Variants in TSPAN3 observed in about 807,000 individuals in gnomAD.
The protein encoded by TSPAN3 is tetraspanin 3, also known as tetraspanin-3.
In TSPAN3, 9 loss-of-function variants were observed where a neutral mutation model predicts 31.1. The observed-to-expected ratio is 0.29, with a 90% CI of 0.17 to 0.50. The LOEUF (loss-of-function observed/expected upper bound fraction) is 0.50. TSPAN3 is among the 20% of genes least tolerant of loss of function. The pLI, the probability that TSPAN3 is intolerant of heterozygous loss-of-function variation, is 0.98. For missense variants in TSPAN3, 252 were observed against 313.5 expected (o/e 0.80, Z 1.48); for synonymous variants, 129 against 114.3 (o/e 1.13, Z -0.82).
At chr15:77,051,066 T>TA (rs201441947) in intron 6 of TSPAN3, among the ~76,000 whole-genome samples, 1 of 152,136 alleles carries the variant, frequency 6.6e-6, no homozygotes, top group African/African-American at 2.4e-5. Context: ...TTTTCTTTTT[T>TA]AAAAAAAATT....
chr15:77,046,399 T>C lies in TSPAN3; in HGVS notation c.*436A>G. 5.0e-6 allele frequency: 2 copies of C among 403,936 alleles called. No individual in the cohort carries two copies. The highest frequency in any genetic ancestry group is 8.7e-6 in the Non-Finnish European group (2 of 228,698). 25.0% of individuals were successfully genotyped at this position (403,936 alleles called of 1,614,324 possible). A position where few individuals can be genotyped will look rare whatever the true frequency, so the allele number is the denominator to read the frequency against. On this transcript the variant is annotated 3_prime_UTR_variant, in exon 7 of 7. Coordinates refer to ENST00000267970, the MANE Select transcript of TSPAN3 (RefSeq NM_005724.6). ...AAGGACACCAATGAGGGGCACCATCTGGTGTTAACCTTAACCAGAAAGCTG... is the reference window on the plus strand; with the variant it reads ...AAGGACACCAATGAGGGGCACCATCCGGTGTTAACCTTAACCAGAAAGCTG...
chr15:77,052,092 A>T (rs998946978), intron 6 of TSPAN3, among the ~76,000 whole-genome samples: 1 of 152,250 alleles, frequency 6.6e-6, no homozygotes, highest in African/African-American at 2.4e-5. Flanking sequence ...CACTAAGACA[A>T]CAGTTCGTTT....
intron 1 of TSPAN3, among the ~76,000 whole-genome samples, chr15:77,070,373 T>A (rs1156836884): frequency 2.6e-5 from 4 of 152,174 alleles, no homozygotes; most frequent in African/African-American, 2.4e-5. Flanking sequence ...CTGGTGACAG[T>A]CAGCCGGTTC....
intron 6 of TSPAN3, among the ~76,000 whole-genome samples, chr15:77,048,226 A>G (rs1287994909): frequency 1.3e-5 from 2 of 152,202 alleles, no homozygotes; most frequent in African/African-American, 4.8e-5. Flanking sequence ...AGAGAAATAC[A>G]TTTCTGTTCT....
intron 6 of TSPAN3, among the ~76,000 whole-genome samples, chr15:77,048,651 T>C (rs1262675307): frequency 6.6e-6 from 1 of 152,216 alleles, no homozygotes; most frequent in Non-Finnish European, 1.5e-5. Flanking sequence ...CCATTGATTT[T>C]TGAAACATTC....
At chr15:77,070,476 G>T (rs933050141) in intron 1 of TSPAN3, among the ~76,000 whole-genome samples, 6 of 152,076 alleles carry the variant, frequency 3.9e-5, no homozygotes, top group African/African-American at 1.2e-4. Flanking sequence ...TCGTCTGCGA[G>T]GCCCCGACAA....
chr15:77,047,513 T>G (rs939472967), intron 6 of TSPAN3, among the ~76,000 whole-genome samples: 2 of 152,116 alleles, frequency 1.3e-5, no homozygotes, highest in African/African-American at 4.8e-5. Context: ...CCAAAAAAAA[T>G]GTAGTTGGAA....
intron 1 of TSPAN3, chr15:77,064,751 A>G (rs553507496): frequency 6.6e-6 from 1 of 152,274 alleles, no homozygotes. Context: ...ATTGAAAACA[A>G]GCATGAAAAA....
intron 4 of TSPAN3, 25 bp from the exon 5 acceptor site, chr15:77,052,954 A>G (rs765026880): frequency 1.1e-5 from 17 of 1,598,760 alleles, no homozygotes; most frequent in Non-Finnish European, 1.7e-6. Context: ...AATAAGTATT[A>G]TTTCTCACAA....
intron 1 of TSPAN3, chr15:77,063,961 T>C (rs1022052841): frequency 2.6e-5 from 4 of 152,192 alleles, no homozygotes; most frequent in Non-Finnish European, 4.4e-5. Context: ...CATAGGAGCC[T>C]GAGGTGCTTA....
chr15:77,063,047 A>G (rs1186416576), intron 1 of TSPAN3, among the ~76,000 whole-genome samples: 1 of 152,214 alleles, frequency 6.6e-6, no homozygotes, highest in African/African-American at 2.4e-5. Context: ...AGTTAAAATT[A>G]TGTCTGAAAT....
intron 6 of TSPAN3, 29 bp downstream of exon 6, chr15:77,052,356 G>A (rs374627015): frequency 2.0e-4 from 320 of 1,605,260 alleles, no homozygotes; most frequent in Admixed American, 2.7e-4. Flanking sequence ...AACTCACTCC[G>A]ATAGAACTCC....
At chr15:77,059,284 G>A (rs1282516622) in intron 1 of TSPAN3, among the ~76,000 whole-genome samples, 7 of 152,042 alleles carry the variant, frequency 4.6e-5, no homozygotes, top group South Asian at 2.1e-4. Context: ...GGGTTTCACC[G>A]TGTTAGCCAG....
At chr15:77,068,853 A>G (rs181655437) in intron 1 of TSPAN3, among the ~76,000 whole-genome samples, 1 of 152,184 alleles carries the variant, frequency 6.6e-6, no homozygotes, top group East Asian at 1.9e-4. Context: ...TCCATGGTGT[A>G]TATGTGCCGC....
At chr15:77,070,379 G>A (rs940127771) in intron 1 of TSPAN3, among the ~76,000 whole-genome samples, 6 of 152,180 alleles carry the variant, frequency 3.9e-5, no homozygotes, top group Non-Finnish European at 7.3e-5. Flanking sequence ...ACAGTCAGCC[G>A]GTTCTCCACA....
At chr15:77,070,625 T>C (rs539541060) in intron 1 of TSPAN3, among the ~76,000 whole-genome samples, 4 of 152,006 alleles carry the variant, frequency 2.6e-5, no homozygotes, top group Non-Finnish European at 5.9e-5. Flanking sequence ...CCAGCCCGCG[T>C]GGGCCGAGCG....
intron 5 of TSPAN3, 89 bp downstream of exon 5, chr15:77,052,688 G>A (rs901275605): frequency 7.0e-7 from 1 of 1,427,594 alleles, no homozygotes; most frequent in Non-Finnish European, 9.6e-7. Flanking sequence ...AGACAAGCAA[G>A]GTGGCAGAAA....
At chr15:77,061,999 G>C (rs976909866) in intron 1 of TSPAN3, among the ~76,000 whole-genome samples, 3 of 152,088 alleles carry the variant, frequency 2.0e-5, no homozygotes, top group Non-Finnish European at 2.9e-5. Flanking sequence ...AAGTCAAGAA[G>C]TAAAAGACTG....
chr15:77,052,987 T>C, intron 4 of TSPAN3, 58 bp from the exon 5 acceptor site: 2 of 1,515,980 alleles, frequency 1.3e-6, no homozygotes, highest in Non-Finnish European at 1.8e-6. Context: ...TGAAGTTCCA[T>C]GTACTACAGA....
Sources: gnomAD v4.1 joint callset for allele counts (sites outside exome capture counted in the v4.1 genomes callset) on GRCh38, gnomAD v4.1.1 for gene constraint, MANE v1.5 for transcripts, NCBI Gene and HGNC (gene_info 2026-07-23, HGNC 2026-07-21) for gene names.